The following ROBO1 variants were observed in gnomAD, a reference collection of about 807,000 sequenced individuals.
The protein encoded by ROBO1 is roundabout guidance receptor 1.
ROBO1 carries 149 observed loss-of-function variants against 195.9 expected under a neutral mutation model. The observed-to-expected ratio is 0.76, with a 90% CI of 0.67 to 0.87. The LOEUF is 0.87. Among genes scored for constraint, ROBO1 ranks in the 40% least tolerant of loss-of-function variants. The pLI, the probability that ROBO1 is intolerant of heterozygous loss-of-function variation, is 0.00. For missense variants in ROBO1, 1,933 were observed against 2,068.3 expected, an observed-to-expected ratio of 0.93 and a Z score of 1.27; for synonymous variants, 816 against 733.2, an observed-to-expected ratio of 1.11 and a Z score of -1.82.
intron 10 of ROBO1, among the ~76,000 whole-genome samples, chr3:78,685,309 C>G (rs113735817): frequency 2.6e-5 from 4 of 151,984 alleles, no homozygotes; most frequent in Non-Finnish European, 4.4e-5. Context: ...GGGGAGTTGA[C>G]AGAATGAAAT....
At chr3:79,079,792 T>C (rs1257538698) in intron 3 of ROBO1, among the ~76,000 whole-genome samples, 4 of 151,704 alleles carry the variant, frequency 2.6e-5, no homozygotes, top group African/African-American at 9.7e-5. Flanking sequence ...AACATAATAA[T>C]CTCAATGTAA....
chr3:78,665,142 T>C (rs1021133826), intron 14 of ROBO1, among the ~76,000 whole-genome samples: 15 of 152,176 alleles, frequency 9.9e-5, no homozygotes, highest in African/African-American at 3.6e-4. Flanking sequence ...CTATCCCTAC[T>C]GTCCTCCTCT....
chr3:78,853,796 A>T (rs1017972208), intron 4 of ROBO1, among the ~76,000 whole-genome samples: 1 of 152,086 alleles, frequency 6.6e-6, no homozygotes, highest in African/African-American at 2.4e-5. Context: ...GAGGCCTCAC[A>T]ATGATAGCGG....
chr3:78,613,159 C>A (rs1399749634), intron 28 of ROBO1, among the ~76,000 whole-genome samples: 4 of 152,138 alleles, frequency 2.6e-5, no homozygotes, highest in Non-Finnish European at 5.9e-5. Context: ...AAAAGCATCA[C>A]TCAATGCCAG....
Position 79,631,537 on chromosome 3 carries a change from A to G in ROBO1, c.-50-41576T>C, listed in dbSNP as rs1010631711. On this transcript the variant is annotated intron_variant, in intron 1 of 30. Transcript: ENST00000464233. ...AGACCTGAAGTTATAAAAATCTTAG[A>G]AGAAACCCTGGAAAAAACTCTTCTG... Among the ~76,000 whole-genome samples the G allele has an allele frequency of 3.3e-5, 5 of 152,184 alleles. No individual in the cohort carries two copies. In the South Asian group the frequency reaches 1.0e-3, roughly 32 times the overall value.
chr3:79,515,459 A>G (rs981853356), intron 2 of ROBO1, among the ~76,000 whole-genome samples: 9 of 152,174 alleles, frequency 5.9e-5, no homozygotes, highest in Non-Finnish European at 1.3e-4. Context: ...TAAAGATGCA[A>G]ATTTCCTCTC....
intron 2 of ROBO1, among the ~76,000 whole-genome samples, chr3:79,228,783 G>A (rs1334535878): frequency 6.6e-6 from 1 of 151,964 alleles, no homozygotes; most frequent in East Asian, 1.9e-4. Context: ...TCAAAGACAA[G>A]TTTGCAAAAT....
intron 4 of ROBO1, among the ~76,000 whole-genome samples, chr3:78,762,006 C>T (rs1018721219): frequency 6.6e-6 from 1 of 151,884 alleles, no homozygotes; most frequent in Non-Finnish European, 1.5e-5. Context: ...TCAAAAAAGT[C>T]CAGTTTCATT....
chr3:78,602,206 G>A (rs1181841044), intron 29 of ROBO1, among the ~76,000 whole-genome samples: 2 of 152,020 alleles, frequency 1.3e-5, no homozygotes, highest in African/African-American at 4.8e-5. Context: ...GATCGCTTGG[G>A]CCATCCCCTT....
At chr3:78,951,173 A>G (rs2040758547) in intron 3 of ROBO1, among the ~76,000 whole-genome samples, 1 of 151,898 alleles carries the variant, frequency 6.6e-6, no homozygotes, top group Admixed American at 6.6e-5. Context: ...AAATCTCATA[A>G]GAGTACGGAT....
chr3:79,698,302 T>A (rs1253037233), intron 1 of ROBO1, among the ~76,000 whole-genome samples: 1 of 151,522 alleles, frequency 6.6e-6, no homozygotes, highest in Non-Finnish European at 1.5e-5. Context: ...AATGAAATCA[T>A]AACTATTAAT....
intron 2 of ROBO1, among the ~76,000 whole-genome samples, chr3:79,377,555 C>T (rs945884598): frequency 6.6e-6 from 1 of 152,168 alleles, no homozygotes; most frequent in Non-Finnish European, 1.5e-5. Context: ...AAATATTACC[C>T]TCCACTTTAT....
intron 3 of ROBO1, among the ~76,000 whole-genome samples, chr3:78,962,280 C>T (rs1296959420): frequency 6.6e-6 from 1 of 152,166 alleles, no homozygotes; most frequent in Non-Finnish European, 1.5e-5. Flanking sequence ...AAGTGGAATG[C>T]AAATCTCTCT....
At chr3:79,347,937 C>T (rs1008433610) in intron 2 of ROBO1, among the ~76,000 whole-genome samples, 3 of 151,978 alleles carry the variant, frequency 2.0e-5, no homozygotes, top group Admixed American at 6.6e-5. Context: ...GTTGGTGGGG[C>T]GCAGTGGCTC....
intron 4 of ROBO1, among the ~76,000 whole-genome samples, chr3:78,848,667 G>A (rs1451329765): frequency 6.6e-6 from 1 of 152,106 alleles, no homozygotes. Context: ...GGTCAGAAAG[G>A]ATTAGGTTGG....
Position 79,739,720 on chromosome 3 carries a change from T to A in ROBO1, c.-51+28032A>T, listed in dbSNP as rs910990772. 1.2e-4 allele frequency among the ~76,000 whole-genome samples: 19 copies of A among 152,180 alleles called. 1 individual carries two copies. The highest frequency in any genetic ancestry group is 1.9e-4 in the Non-Finnish European group (13 of 68,022). ...GTGTTCAAGAAATCTTTATGGTGTA[T>A]CTACTAAGGACCAGCCACTCTTCAA... On this transcript the variant is annotated intron_variant, in intron 1 of 30. Transcript: ENST00000464233.
At chr3:78,981,687 C>T (rs1222570512) in intron 3 of ROBO1, among the ~76,000 whole-genome samples, 1 of 151,914 alleles carries the variant, frequency 6.6e-6, no homozygotes, top group East Asian at 1.9e-4. Context: ...ACACTGAGCA[C>T]TTTTGGATTA....
chr3:78,932,208 A>C (rs555988962), intron 4 of ROBO1, among the ~76,000 whole-genome samples: 19 of 152,314 alleles, frequency 1.2e-4, no homozygotes, highest in African/African-American at 4.6e-4. Flanking sequence ...AGAGATAACC[A>C]GATGCACCTT....
chr3:79,392,016 A>G (rs893067224), intron 2 of ROBO1, among the ~76,000 whole-genome samples: 5 of 152,230 alleles, frequency 3.3e-5, no homozygotes, highest in Admixed American at 2.6e-4. Flanking sequence ...AATCATTATA[A>G]AGAAGTCAAG....
Sources: allele counts gnomAD v4.1 joint callset (sites outside exome capture counted in the v4.1 genomes callset), GRCh38; gene constraint gnomAD v4.1.1; transcripts MANE v1.5; gene names NCBI Gene and HGNC (gene_info 2026-07-23, HGNC 2026-07-21).